KMT2C: variants seen among roughly 807,000 people sequenced by gnomAD.
The protein encoded by KMT2C is histone-lysine N-methyltransferase 2C.
A neutral mutation model predicts 507.9 loss-of-function variants in KMT2C; 88 were observed. The ratio of observed to expected loss-of-function variants is 0.17; its 90% CI spans 0.15 to 0.21. The LOEUF is 0.21. Ranked by LOEUF, KMT2C falls within the 10% of genes least tolerant of loss-of-function variation. KMT2C has a pLI of 1.00. For synonymous variants in KMT2C, 2,049 were observed against 2,080.8 expected, an observed-to-expected ratio of 0.98 and a Z score of 0.42; for missense variants, 4,954 against 5,957.8, an observed-to-expected ratio of 0.83 and a Z score of 5.55.
intron 1 of KMT2C, among the ~76,000 whole-genome samples, chr7:152,410,473 G>A (rs2097670203): frequency 6.6e-6 from 1 of 152,030 alleles, no homozygotes; most frequent in Non-Finnish European, 1.5e-5. Context: ...AGCTACTCAG[G>A]AGGCTGAGGC....
intron 1 of KMT2C, among the ~76,000 whole-genome samples, chr7:152,420,934 G>T (rs1048728336): frequency 6.6e-6 from 1 of 151,448 alleles, no homozygotes; most frequent in Non-Finnish European, 1.5e-5. Flanking sequence ...CAAGTTAATG[G>T]GTGCAGCACA....
intron 2 of KMT2C, among the ~76,000 whole-genome samples, chr7:152,344,817 C>G (rs762143328): frequency 2.0e-5 from 3 of 152,026 alleles, no homozygotes; most frequent in Non-Finnish European, 4.4e-5. Context: ...GAAACACCGT[C>G]TCTACTAAAA....
chr7:152,367,589 A>C (rs1208196390), intron 1 of KMT2C: 2 of 1,282,760 alleles, frequency 1.6e-6, no homozygotes, highest in East Asian at 4.6e-5. Context: ...GCTCCAGAGT[A>C]TCCAGGTCCT....
intron 3 of KMT2C, 131 bp from the exon 4 acceptor site, chr7:152,315,469 T>A: frequency 1.6e-6 from 1 of 644,160 alleles, no homozygotes; most frequent in Non-Finnish European, 2.7e-6. Flanking sequence ...ATCTATTTTC[T>A]ACAGTCTATT....
chr7:152,323,726 G>A (rs761593814), intron 3 of KMT2C, among the ~76,000 whole-genome samples: 16 of 140,728 alleles, frequency 1.1e-4, no homozygotes, highest in East Asian at 2.2e-4. Context: ...AGGGAGGGAC[G>A]AAGGGAGAGA....
In KMT2C at chr7:152,435,525, G is replaced by C. The variant is rs962238808; in HGVS notation, c.161+101C>G. 12 of 574,960 alleles carry C rather than the reference G, an allele frequency of 2.1e-5. No homozygotes were observed. The South Asian group carries it at 6.8e-4, about 33-fold the overall frequency. The allele number at this position is 574,960 out of a possible 1,614,324, so 35.6% of individuals were successfully genotyped here. On this transcript the variant is annotated intron_variant, in intron 1 of 58. Coordinates refer to ENST00000262189, the MANE Select transcript of KMT2C (RefSeq NM_170606.3). ...GGCCCGCCCCGCCCCCACCCCGCCG[G>C]GGGGCGCCGGGGCGCGGAGGCCGCG...
intron 1 of KMT2C, among the ~76,000 whole-genome samples, chr7:152,400,129 G>A (rs564201330): frequency 2.0e-5 from 3 of 150,418 alleles, no homozygotes; most frequent in South Asian, 2.1e-4. Context: ...TAACAAACAC[G>A]GTGAAACCCC....
chr7:152,412,801 C>G, intron 1 of KMT2C, among the ~76,000 whole-genome samples: 1 of 152,170 alleles, frequency 6.6e-6, no homozygotes, highest in Non-Finnish European at 1.5e-5. Flanking sequence ...GGGTCAAGTT[C>G]TGACTTTCTT....
Position 152,251,911 on chromosome 7 carries a change from T to C in KMT2C, c.1621+28A>G, listed in dbSNP as rs372549947. 22 of 1,550,258 alleles carry C rather than the reference T, an allele frequency of 1.4e-5. No homozygotes were observed. In the African/African-American group the frequency reaches 2.9e-4, roughly 20 times the overall value. On this transcript the variant is annotated intron_variant, in intron 11 of 58. Transcript: ENST00000262189. ...GGCACAACATTACAAAAACAAAAAA[T>C]TTAAAAAAAAATCATTCTCAAATTT... is the stretch of plus-strand genomic sequence containing the variant.
At chr7:152,359,900 T>G (rs2097181706) in intron 1 of KMT2C, among the ~76,000 whole-genome samples, 1 of 150,596 alleles carries the variant, frequency 6.6e-6, no homozygotes, top group Non-Finnish European at 1.5e-5. Context: ...AATACAAAAA[T>G]TAGCCAGGTG....
intron 6 of KMT2C, among the ~76,000 whole-genome samples, chr7:152,275,941 A>T (rs369357344): frequency 6.7e-6 from 1 of 148,692 alleles, no homozygotes; most frequent in Non-Finnish European, 1.5e-5. Flanking sequence ...AGGTAAGTAT[A>T]TAATAACAGA....
chr7:152,330,804 T>G (rs2096875060), intron 2 of KMT2C, 65 bp from the exon 3 acceptor site: 1 of 1,432,136 alleles, frequency 7.0e-7, no homozygotes, highest in African/African-American at 1.4e-5. Context: ...CACTGGTGAA[T>G]GTATCTATAA....
rs1440172375 is a variant in KMT2C at position 152,166,755 on chromosome 7, C to G, written c.9750+391G>C. Among the ~76,000 whole-genome samples the G allele has an allele frequency of 5.3e-5, 8 of 152,128 alleles. No individual in the cohort carries two copies. In the East Asian group the frequency reaches 1.5e-3, roughly 29 times the overall value. On this transcript the variant is annotated intron_variant, in intron 42 of 58. Transcript: ENST00000262189. The stretch of plus-strand genomic sequence containing the variant: ...ATTCCAAACTAAACCCAGTATCTCC[C>G]CATGAGCTCGGTCCTCAGTTAAGTC...
chr7:152,407,974 T>C (rs2097637580), intron 1 of KMT2C, among the ~76,000 whole-genome samples: 1 of 152,430 alleles, frequency 6.6e-6, no homozygotes, highest in Admixed American at 6.5e-5. Context: ...ACTTCAGTAT[T>C]ATTTAGCTTT....
chr7:152,346,221 A>G (rs1368849070), intron 2 of KMT2C, among the ~76,000 whole-genome samples: 1 of 152,206 alleles, frequency 6.6e-6, no homozygotes, highest in Non-Finnish European at 1.5e-5. Context: ...TGAATCTGAC[A>G]CCGTTAATCA....
At chr7:152,428,469 A>C (rs999081955) in intron 1 of KMT2C, among the ~76,000 whole-genome samples, 1 of 149,996 alleles carries the variant, frequency 6.7e-6, no homozygotes, top group Non-Finnish European at 1.5e-5. Flanking sequence ...AAAAAAAAAA[A>C]AAAAAAAAAA....
intron 2 of KMT2C, among the ~76,000 whole-genome samples, chr7:152,340,038 C>T (rs574812555): frequency 1.6e-4 from 25 of 151,804 alleles, no homozygotes; most frequent in Non-Finnish European, 2.5e-4. Flanking sequence ...GGCTAGAGTA[C>T]AGTGGCACAA....
At chr7:152,290,324 T>C (rs1367984156) in intron 6 of KMT2C, among the ~76,000 whole-genome samples, 2 of 105,266 alleles carry the variant, frequency 1.9e-5, no homozygotes, top group African/African-American at 8.0e-5. Context: ...TTTTTTTTTT[T>C]GTCTGAGATG....
intron 1 of KMT2C, among the ~76,000 whole-genome samples, chr7:152,396,422 G>A (rs924743989): frequency 6.6e-6 from 1 of 152,110 alleles, no homozygotes; most frequent in Non-Finnish European, 1.5e-5. Flanking sequence ...AATATAGTAC[G>A]TGTAAAGCAC....
Sources: allele counts gnomAD v4.1 joint callset (sites outside exome capture counted in the v4.1 genomes callset), GRCh38; gene constraint gnomAD v4.1.1; transcripts MANE v1.5; gene names NCBI Gene and HGNC (gene_info 2026-07-23, HGNC 2026-07-21).